The following NDUFS1 variants were observed in gnomAD, a reference collection of about 807,000 sequenced individuals.
NDUFS1 encodes NADH:ubiquinone oxidoreductase core subunit S1.
Under a neutral mutation model 84.4 loss-of-function variants are expected in NDUFS1, and 61 were observed. The ratio of observed to expected loss-of-function variants is 0.72; its 90% CI spans 0.59 to 0.89. The LOEUF is 0.89. Ranked by LOEUF, NDUFS1 falls within the 40% of genes least tolerant of loss-of-function variation. The pLI is 0.00. For missense variants in NDUFS1, 891 were observed against 890.0 expected (o/e 1.00, Z -0.01); for synonymous variants, 275 against 290.0 (o/e 0.95, Z 0.53).
At position 206,149,798 on chromosome 2, in the gene NDUFS1, G is replaced by A; in HGVS notation, c.261+20C>T. 1 of 1,568,598 alleles carries A rather than the reference G, an allele frequency of 6.4e-7. No homozygotes were observed. Among genetic ancestry groups the A allele is most frequent in the Non-Finnish European group, 8.8e-7 (1 of 1,138,638 alleles). ...TTTCTACCTTCTACAGCATGGTGTA[G>A]AATTTTAGGTATCAAGTACCTTAGG... is the stretch of plus-strand genomic sequence containing the variant. On this transcript the variant is annotated intron_variant, in intron 4 of 18. Coordinates refer to ENST00000233190, the MANE Select transcript of NDUFS1 (RefSeq NM_005006.7).
At position 206,149,246 on chromosome 2, in the gene NDUFS1, T is replaced by C. The variant is rs56269407; in HGVS notation, c.262-150A>G. 1,068 of 663,444 alleles carry C rather than the reference T, an allele frequency of 1.6e-3. 5 individuals are homozygous for C. In the African/African-American group the frequency reaches 0.017, roughly 10 times the overall value. The allele number at this position is 663,444 out of a possible 1,614,324, so 41.1% of individuals were successfully genotyped here. ...TAGGGTATTTTTTAAAACTGAATTT[T>C]GTTAAGTTTTCATATTCATAATACG... On this transcript the variant is annotated intron_variant, in intron 4 of 18. Coordinates refer to ENST00000233190, the MANE Select transcript of NDUFS1 (RefSeq NM_005006.7).
rs558917476 is a variant in NDUFS1 at position 206,154,637 on chromosome 2, T to C, written c.-4-955A>G. On this transcript the variant is annotated intron_variant, in intron 1 of 18. Transcript: ENST00000233190. Reference sequence around the variant, plus strand: ...CTTTTTATTTGTTTTTGTTTGTTTGTTTCTGAGATGGAGTCTCGCCCTATC... The same window carrying C: ...CTTTTTATTTGTTTTTGTTTGTTTGCTTCTGAGATGGAGTCTCGCCCTATC... Among the ~76,000 whole-genome samples the C allele has an allele frequency of 5.3e-5, 8 of 152,358 alleles. No homozygotes were observed. The East Asian group carries it at 1.5e-3, about 29-fold the overall frequency.
intron 4 of NDUFS1, among the ~76,000 whole-genome samples, 176 bp from the exon 5 acceptor site, chr2:206,149,272 A>G (rs1692280037): frequency 6.6e-6 from 1 of 152,216 alleles, no homozygotes. Context: ...TCATAATACG[A>G]TGATCTAGTA....
chr2:206,122,000 A>C lies in NDUFS1; in HGVS notation c.*2185T>G, dbSNP rs919094775. 2 of 152,198 alleles carry C rather than the reference A, an allele frequency of 1.3e-5. No homozygotes were observed. Among genetic ancestry groups the C allele is most frequent in the Non-Finnish European group, 2.9e-5 (2 of 68,038 alleles). 9.4% of individuals were successfully genotyped at this position (152,198 alleles called of 1,614,324 possible). On this transcript the variant is annotated 3_prime_UTR_variant, in exon 19 of 19. Coordinates refer to ENST00000233190, the MANE Select transcript of NDUFS1 (RefSeq NM_005006.7). ...AGATGGGAAGTTTGTATTAAGTTCAAACACTTTTGGCAAGAATTTATACAA... is the reference window on the plus strand; with the variant it reads ...AGATGGGAAGTTTGTATTAAGTTCACACACTTTTGGCAAGAATTTATACAA...
rs1361689636 is a variant in NDUFS1 at position 206,115,938 on chromosome 2, C to T, written c.*8247G>A. 6 of 655,998 alleles carry T rather than the reference C, an allele frequency of 9.1e-6. No homozygotes were observed. The Admixed American group carries it at 9.6e-5, about 10-fold the overall frequency. The allele number at this position is 655,998 out of a possible 1,614,324, so 40.6% of individuals were successfully genotyped here. On this transcript the variant is annotated 3_prime_UTR_variant, in exon 19 of 19. Coordinates refer to ENST00000233190, the MANE Select transcript of NDUFS1 (RefSeq NM_005006.7). Reference sequence around the variant, plus strand: ...AAAAGACACATATTATGTTTATCTACAATCATTAGAAAGTTAAAAGGCATC... The same window carrying T: ...AAAAGACACATATTATGTTTATCTATAATCATTAGAAAGTTAAAAGGCATC...
At chr2:206,144,183 T>C (rs1424914396) in intron 9 of NDUFS1, 51 bp from the exon 10 acceptor site, 1 of 1,387,120 alleles carries the variant, frequency 7.2e-7, no homozygotes, top group East Asian at 2.3e-5. Context: ...GAAGTAACTA[T>C]AATTTTCAAG....
chr2:206,127,578 G>C, intron 16 of NDUFS1: 1 of 486,142 alleles, frequency 2.1e-6, no homozygotes, highest in Non-Finnish European at 3.6e-6. Context: ...TTAAGAGACA[G>C]GGTCTTGCTC....
chr2:206,148,957 A>G lies in NDUFS1; in HGVS notation c.338+63T>C, dbSNP rs562891522. Reference sequence around the variant, plus strand: ...AATTCTTAATCTATGGGAAGGTCTAAATACCAAAATGTGCAATTTTCTGCT... The same window carrying G: ...AATTCTTAATCTATGGGAAGGTCTAGATACCAAAATGTGCAATTTTCTGCT... On this transcript the variant is annotated intron_variant, in intron 5 of 18. Coordinates refer to ENST00000233190, the MANE Select transcript of NDUFS1 (RefSeq NM_005006.7). 3.5e-5 allele frequency: 44 copies of G among 1,261,172 alleles called. No homozygotes were observed. The African/African-American group carries it at 6.5e-4, about 19-fold the overall frequency. The allele number at this position is 1,261,172 out of a possible 1,614,324, so 78.1% of individuals were successfully genotyped here.
In NDUFS1 at chr2:206,122,631, A is replaced by AAAAAAAAAAAC. The variant is rs1405391269; in HGVS notation, c.*1553_*1554insGTTTTTTTTTT. The AAAAAAAAAAAC allele has an allele frequency of 2.7e-5, 4 of 150,572 alleles. No individual in the cohort carries two copies. The highest frequency in any genetic ancestry group is 4.4e-5 in the Non-Finnish European group (3 of 67,578). 9.3% of individuals were successfully genotyped at this position (150,572 alleles called of 1,614,324 possible). A position where few individuals can be genotyped will look rare whatever the true frequency, so the allele number is the denominator to read the frequency against. On this transcript the variant is annotated 3_prime_UTR_variant, in exon 19 of 19. Transcript: ENST00000233190. ...GGTGACAGAGTAAGACTCCATCTCA[A>AAAAAAAAAAAC]AAAAAAAAAAAAAACAAAGGGAAAA...
intron 1 of NDUFS1, among the ~76,000 whole-genome samples, chr2:206,154,622 G>A (rs1687561222): frequency 6.6e-6 from 1 of 152,150 alleles, no homozygotes; most frequent in Non-Finnish European, 1.5e-5. Context: ...CTTTTTATTT[G>A]TTTTTGTTTG....
chr2:206,157,802 G>A (rs1436386222), intron 1 of NDUFS1, among the ~76,000 whole-genome samples: 2 of 152,122 alleles, frequency 1.3e-5, no homozygotes, highest in South Asian at 2.1e-4. Flanking sequence ...GATGGAAAAT[G>A]TTAATGACTA....
chr2:206,124,277 C>G lies in NDUFS1; in HGVS notation c.2093-1G>C. 1 of 1,603,704 alleles carries G rather than the reference C, an allele frequency of 6.2e-7. No homozygotes were observed. Among genetic ancestry groups the G allele is most frequent in the Non-Finnish European group, 8.5e-7 (1 of 1,170,650 alleles). Reference sequence around the variant, plus strand: ...GTCTGTGAGGCTCTGCTAATTGAATCTGAAAGATATTAAGAAAATGTCATT... The same window carrying G: ...GTCTGTGAGGCTCTGCTAATTGAATGTGAAAGATATTAAGAAAATGTCATT... On this transcript the variant is annotated splice_acceptor_variant, in intron 18 of 18. Coordinates refer to ENST00000233190, the MANE Select transcript of NDUFS1 (RefSeq NM_005006.7). LOFTEE classifies it high-confidence loss of function.
At chr2:206,147,371 T>G (rs1692193555) in intron 7 of NDUFS1, among the ~76,000 whole-genome samples, 160 bp downstream of exon 7, 1 of 152,242 alleles carries the variant, frequency 6.6e-6, no homozygotes, top group Non-Finnish European at 1.5e-5. Context: ...AAGTTGGTAC[T>G]AAATGAAAGT....
chr2:206,147,676 GA>G lies in NDUFS1; in HGVS notation c.421-16del, dbSNP rs1275318618. On this transcript the variant is annotated splice_polypyrimidine_tract_variant and intron_variant, in intron 6 of 18. Coordinates refer to ENST00000233190, the MANE Select transcript of NDUFS1 (RefSeq NM_005006.7). ...ATGGACTGGTCCTTAAGTAGATTAT[GA>G]AAGAGTCAATCTCATGCTGCTAATA... 1.2e-6 allele frequency: 2 copies of G among 1,614,038 alleles called. No individual in the cohort carries two copies. The highest frequency in any genetic ancestry group is 3.3e-5 in the Admixed American group (2 of 60,004).
intron 12 of NDUFS1, among the ~76,000 whole-genome samples, chr2:206,141,564 T>A (rs1691954066): frequency 7.2e-6 from 1 of 138,724 alleles, no homozygotes; most frequent in Admixed American, 7.5e-5. Flanking sequence ...AAAATAAAAA[T>A]AATTTTTTAA....
rs1189839844 is a variant in NDUFS1 at position 206,142,115 on chromosome 2, CA to C, written c.1134-47del. 14 of 1,495,408 alleles carry C rather than the reference CA, an allele frequency of 9.4e-6. No homozygotes were observed. In the East Asian group the frequency reaches 3.3e-4, roughly 35 times the overall value. 92.6% of individuals were successfully genotyped at this position (1,495,408 alleles called of 1,614,324 possible). On this transcript the variant is annotated intron_variant, in intron 11 of 18. Coordinates refer to ENST00000233190, the MANE Select transcript of NDUFS1 (RefSeq NM_005006.7). ...ATGCAAATTTACTTTAAAATTAAGACATACAGAGAATCCATGAAATATTCTC... is the reference window on the plus strand; with the variant it reads ...ATGCAAATTTACTTTAAAATTAAGACTACAGAGAATCCATGAAATATTCTC...
intron 18 of NDUFS1, 100 bp downstream of exon 18, chr2:206,126,439 A>C (rs545233110): frequency 4.6e-6 from 5 of 1,077,324 alleles, no homozygotes; most frequent in Non-Finnish European, 7.0e-6. Context: ...TAAGAATTGC[A>C]AACACTATCA....
intron 5 of NDUFS1, among the ~76,000 whole-genome samples, chr2:206,148,590 C>A (rs11903980): frequency 0.99 from 151,344 of 152,320 alleles, 75,189 homozygotes; most frequent in East Asian, 1. Flanking sequence ...GGAGTTCAAG[C>A]CCAGCCTGGA....
chr2:206,115,918 A>G lies in NDUFS1; in HGVS notation c.*8267T>C, dbSNP rs1234416457. On this transcript the variant is annotated 3_prime_UTR_variant, in exon 19 of 19. Transcript: ENST00000233190. Reference sequence around the variant, plus strand: ...AAAATCATAGGATGTTGTGAAAAAGACACATATTATGTTTATCTACAATCA... The same window carrying G: ...AAAATCATAGGATGTTGTGAAAAAGGCACATATTATGTTTATCTACAATCA... 6 of 621,312 alleles carry G rather than the reference A, an allele frequency of 9.7e-6. No individual in the cohort carries two copies. The highest frequency in any genetic ancestry group is 9.1e-5 in the South Asian group (5 of 54,778). The allele number at this position is 621,312 out of a possible 1,614,324, so 38.5% of individuals were successfully genotyped here.
Sources: gnomAD v4.1 joint callset for allele counts (sites outside exome capture counted in the v4.1 genomes callset) on GRCh38, gnomAD v4.1.1 for gene constraint, MANE v1.5 for transcripts, NCBI Gene and HGNC (gene_info 2026-07-23, HGNC 2026-07-21) for gene names.